The following HMCN1 variants were observed in gnomAD, a reference collection of about 807,000 sequenced individuals.
The protein encoded by HMCN1 is hemicentin 1.
In HMCN1, 321 loss-of-function variants were observed where a neutral mutation model predicts 625.9. The observed-to-expected ratio is 0.51, with a 90% CI of 0.47 to 0.56. HMCN1 has a LOEUF of 0.56. Among genes scored for constraint, HMCN1 ranks in the 20% least tolerant of loss-of-function variants. The pLI, the probability that HMCN1 is intolerant of heterozygous loss-of-function variation, is 0.00. For missense variants in HMCN1, 6,588 were observed against 6,887.3 expected, an observed-to-expected ratio of 0.96 and a Z score of 1.54; for synonymous variants, 2,425 against 2,417.6, an observed-to-expected ratio of 1.00 and a Z score of -0.09.
At chr1:186,056,445 T>G (rs1029308368) in intron 45 of HMCN1, among the ~76,000 whole-genome samples, 5 of 151,966 alleles carry the variant, frequency 3.3e-5, no homozygotes, top group African/African-American at 4.8e-5. Flanking sequence ...ATATTACAAA[T>G]TTGCAAGAAA....
intron 1 of HMCN1, among the ~76,000 whole-genome samples, chr1:185,761,827 AAT>A (rs138230569): frequency 0.039 from 5,848 of 149,770 alleles, 324 homozygotes; most frequent in African/African-American, 0.14. Flanking sequence ...TCTGACCATA[AAT>A]TTTTAGATTA....
intron 15 of HMCN1, among the ~76,000 whole-genome samples, chr1:185,977,260 G>A (rs1453294023): frequency 6.6e-6 from 1 of 151,914 alleles, no homozygotes; most frequent in Non-Finnish European, 1.5e-5. Flanking sequence ...AATGTGAAAG[G>A]TATGAGAAGC....
At position 186,190,343 on chromosome 1, in the gene HMCN1, G is replaced by A. The variant is rs1434055439; in HGVS notation, c.*465G>A. 3 of 215,522 alleles carry A rather than the reference G, an allele frequency of 1.4e-5. No individual in the cohort carries two copies. Among genetic ancestry groups the A allele is most frequent in the East Asian group, 1.5e-4 (2 of 13,400 alleles). 13.4% of individuals were successfully genotyped at this position (215,522 alleles called of 1,614,324 possible). A position where few individuals can be genotyped will look rare whatever the true frequency, so the allele number is the denominator to read the frequency against. On this transcript the variant is annotated 3_prime_UTR_variant, in exon 107 of 107. Coordinates refer to ENST00000271588, the MANE Select transcript of HMCN1 (RefSeq NM_031935.3). Reference sequence around the variant, plus strand: ...TATAAAATAACTTACGGAGATTTTTGTAAGTATTGATACATTATAATAGGA... The same window carrying A: ...TATAAAATAACTTACGGAGATTTTTATAAGTATTGATACATTATAATAGGA...
At chr1:185,735,161 A>G in intron 1 of HMCN1, 114 bp downstream of exon 1, 3 of 1,178,624 alleles carry the variant, frequency 2.5e-6, no homozygotes, top group Non-Finnish European at 3.7e-6. Context: ...AAAAATGTGC[A>G]GCTGAAAATA....
chr1:185,817,926 C>T (rs1399394539), intron 1 of HMCN1, among the ~76,000 whole-genome samples: 1 of 152,128 alleles, frequency 6.6e-6, no homozygotes, highest in Non-Finnish European at 1.5e-5. Context: ...ACTATGCTTT[C>T]TCTCAGATTG....
chr1:186,019,172 C>T (rs2102149381), intron 34 of HMCN1, among the ~76,000 whole-genome samples: 1 of 152,076 alleles, frequency 6.6e-6, no homozygotes, highest in South Asian at 2.1e-4. Context: ...GGGGCAGAGT[C>T]ATGCAGTATA....
chr1:185,894,809 G>C (rs1189063261), intron 4 of HMCN1, among the ~76,000 whole-genome samples: 3 of 152,164 alleles, frequency 2.0e-5, no homozygotes, highest in Admixed American at 6.5e-5. Flanking sequence ...AAGTACTTTA[G>C]ATTGAGCTAT....
intron 33 of HMCN1, among the ~76,000 whole-genome samples, chr1:186,017,415 C>T (rs553741664): frequency 6.6e-6 from 1 of 151,980 alleles, no homozygotes; most frequent in South Asian, 2.1e-4. Flanking sequence ...TAACAGACTA[C>T]TAAATAAAAA....
intron 1 of HMCN1, among the ~76,000 whole-genome samples, chr1:185,819,845 G>A (rs1177304412): frequency 6.6e-6 from 1 of 152,110 alleles, no homozygotes; most frequent in South Asian, 2.1e-4. Context: ...TCAATATTAT[G>A]AACCCCAACC....
At chr1:185,948,703 G>T (rs1324594542) in intron 11 of HMCN1, among the ~76,000 whole-genome samples, 1 of 151,786 alleles carries the variant, frequency 6.6e-6, no homozygotes, top group Non-Finnish European at 1.5e-5. Context: ...GGATGCGATG[G>T]CTTGGCTTGG....
At position 185,984,209 on chromosome 1, in the gene HMCN1, G is replaced by A. The variant is rs773447222; in HGVS notation, c.2831G>A (p.Ser944Asn). ...NPYITVRSDG[S>N]LHIERVQLQD... is the part of the protein sequence containing the mutation. ...TACATCACTGTGCGCAGTGATGGGA[G>A]CCTCCATATTGAAAGAGTTCAGCTT... Residue 944 changes from serine to asparagine, a missense_variant, in exon 19 of 107, where the codon AGC (serine) becomes AAC (asparagine). Physicochemically the swap from Ser to Asn is conservative, Grantham distance 46. Around this residue, in one of 3 missense-constraint regions of HMCN1, gnomAD observed 4,628 missense variants for 4,853.1 expected, o/e 0.95. Transcript: ENST00000271588. 4 of 1,613,104 alleles carry A rather than the reference G, an allele frequency of 2.5e-6. No individual in the cohort carries two copies. In the African/African-American group the frequency reaches 5.3e-5, roughly 22 times the overall value.
At chr1:185,999,929 A>G (rs771493910) in intron 25 of HMCN1, 116 bp from the exon 26 acceptor site, 10 of 697,982 alleles carry the variant, frequency 1.4e-5, no homozygotes, top group Non-Finnish European at 2.4e-5. Flanking sequence ...GTAGCATAGG[A>G]CCTAAGGTTA....
At chr1:185,943,229 G>T (rs1668171581) in intron 11 of HMCN1, among the ~76,000 whole-genome samples, 1 of 152,104 alleles carries the variant, frequency 6.6e-6, no homozygotes, top group Non-Finnish European at 1.5e-5. Context: ...GGCGGTTGTG[G>T]GAACTCTTGA....
intron 30 of HMCN1, 106 bp downstream of exon 30, chr1:186,007,388 A>C: frequency 9.8e-7 from 1 of 1,020,346 alleles, no homozygotes; most frequent in Non-Finnish European, 1.5e-6. Context: ...AATTTGGAAT[A>C]CTACATACTT....
intron 91 of HMCN1, among the ~76,000 whole-genome samples, chr1:186,145,019 TG>T (rs1650223942): frequency 6.6e-6 from 1 of 152,266 alleles, no homozygotes; most frequent in Non-Finnish European, 1.5e-5. Context: ...TCTGCCTTAG[TG>T]CCGTCATCAA....
intron 23 of HMCN1, among the ~76,000 whole-genome samples, chr1:185,994,081 G>A (rs532347077): frequency 6.6e-6 from 1 of 152,050 alleles, no homozygotes; most frequent in East Asian, 1.9e-4. Context: ...GGTTGTTAGT[G>A]ACAACCTTTA....
intron 100 of HMCN1, among the ~76,000 whole-genome samples, chr1:186,168,467 A>G (rs1317012114): frequency 2.4e-5 from 3 of 123,766 alleles, no homozygotes; most frequent in Non-Finnish European, 3.2e-5. Context: ...AAAAAAGTAT[A>G]TGATCACATC....
intron 4 of HMCN1, among the ~76,000 whole-genome samples, chr1:185,899,301 C>A (rs566155344): frequency 3.9e-5 from 6 of 152,138 alleles, no homozygotes; most frequent in African/African-American, 1.4e-4. Context: ...TAAAAATTAT[C>A]TTTCTGTTAT....
At chr1:185,798,198 GT>G (rs1324348508) in intron 1 of HMCN1, among the ~76,000 whole-genome samples, 1 of 152,006 alleles carries the variant, frequency 6.6e-6, no homozygotes, top group African/African-American at 2.4e-5. Flanking sequence ...ATGGTGGACA[GT>G]TTTTTTCTTT....
Sources: gnomAD v4.1 joint callset for allele counts (sites outside exome capture counted in the v4.1 genomes callset) on GRCh38, gnomAD v4.1.1 for gene constraint, gnomAD v4.1.1 regional missense constraint, MANE v1.5 for transcripts, NCBI Gene and HGNC (gene_info 2026-07-23, HGNC 2026-07-21) for gene names.